NLGN4X: variants seen among roughly 807,000 people sequenced by gnomAD.
NLGN4X encodes neuroligin-4, X-linked.
In NLGN4X, 3 loss-of-function variants were observed where a neutral mutation model predicts 40.3. That is an observed-to-expected ratio of 0.07 (90% CI 0.03 to 0.19). The LOEUF is 0.19. Ranked by LOEUF, NLGN4X falls within the 10% of genes least tolerant of loss-of-function variation. NLGN4X has a pLI of 1.00. For synonymous variants in NLGN4X, 270 were observed against 306.8 expected (o/e 0.88, Z 1.25); for missense variants, 382 against 708.3 (o/e 0.54, Z 5.23).
rs2034284869 is a variant in NLGN4X, at chrX:5,950,821, T to C, written c.626-41582A>G. 2.7e-5 allele frequency among the ~76,000 whole-genome samples: 3 copies of C among 111,630 alleles called. No individual in the cohort carries two copies. The South Asian group carries it at 1.1e-3, about 42-fold the overall frequency. On this transcript the variant is annotated intron_variant, in intron 3 of 5. Transcript: ENST00000381095. ...AAACTCCTTACCACAGCATGAACTA[T>C]GGAAGCGGCTGGAATATATTCCCAG...
chrX:5,902,389 C>A (rs954256759), intron 5 of NLGN4X, among the ~76,000 whole-genome samples: 17 of 110,859 alleles, frequency 1.5e-4, no homozygotes, highest in Non-Finnish European at 3.0e-4. Flanking sequence ...TGGTGGTGCA[C>A]GCCTGTAGTC....
At chrX:6,128,719 A>G (rs933126266) in intron 2 of NLGN4X, among the ~76,000 whole-genome samples, 1 of 112,382 alleles carries the variant, frequency 8.9e-6, no homozygotes, top group Non-Finnish European at 1.9e-5. Flanking sequence ...GTTGGGTACC[A>G]TGTTCGCTAC....
At chrX:5,942,306 C>T (rs984955862) in intron 3 of NLGN4X, among the ~76,000 whole-genome samples, 8 of 110,846 alleles carry the variant, frequency 7.2e-5, no homozygotes, top group Middle Eastern at 4.7e-3. Context: ...AAATTATTTG[C>T]AGTGGGGGCG....
At chrX:6,182,704 G>C (rs1921589656) in intron 1 of NLGN4X, among the ~76,000 whole-genome samples, 1 of 111,558 alleles carries the variant, frequency 9.0e-6, no homozygotes, top group Non-Finnish European at 1.9e-5. Context: ...GAGGGTCAGA[G>C]TCAGAGAGGG....
At chrX:6,121,876 C>T (rs150283471) in intron 2 of NLGN4X, among the ~76,000 whole-genome samples, 237 of 112,506 alleles carry the variant, frequency 2.1e-3, no homozygotes, top group African/African-American at 7.1e-3. Context: ...ACTGTCTGGG[C>T]GGATCAATGC....
At chrX:6,021,617 C>CT (rs58025219) in intron 3 of NLGN4X, among the ~76,000 whole-genome samples, 19,989 of 110,665 alleles carry the variant, frequency 0.18, 1,382 homozygotes, top group African/African-American at 0.2. Flanking sequence ...CTGTCCACAC[C>CT]TATCAATCTG....
At chrX:6,083,149 G>A (rs960966559) in intron 2 of NLGN4X, among the ~76,000 whole-genome samples, 2 of 99,305 alleles carry the variant, frequency 2.0e-5, no homozygotes, top group Non-Finnish European at 2.0e-5. Context: ...TAGTAGAGAC[G>A]GGGTTTCACC....
intron 3 of NLGN4X, among the ~76,000 whole-genome samples, chrX:5,974,212 T>G (rs946742190): frequency 8.9e-6 from 1 of 112,181 alleles, no homozygotes; most frequent in African/African-American, 3.2e-5. Context: ...TTATATTGGA[T>G]TTTTTAAACC....
intron 2 of NLGN4X, among the ~76,000 whole-genome samples, chrX:6,116,231 T>C (rs765302221): frequency 1.1e-4 from 9 of 85,347 alleles, no homozygotes; most frequent in South Asian, 1.4e-3. Context: ...AGGCAGAGTT[T>C]GCAGTGAGCC....
intron 3 of NLGN4X, among the ~76,000 whole-genome samples, chrX:5,935,776 T>C (rs2033711522): frequency 8.9e-6 from 1 of 111,870 alleles, no homozygotes; most frequent in African/African-American, 3.2e-5. Context: ...GCTCCAAGCA[T>C]CTTCATGGTT....
intron 2 of NLGN4X, among the ~76,000 whole-genome samples, chrX:6,122,530 G>A (rs192987830): frequency 3.3e-4 from 36 of 110,580 alleles, no homozygotes; most frequent in African/African-American, 9.9e-4. Context: ...CACCGCGCCA[G>A]GCAGAGAGGT....
intron 3 of NLGN4X, among the ~76,000 whole-genome samples, chrX:6,001,534 A>C (rs949946677): frequency 1.8e-5 from 2 of 112,366 alleles, no homozygotes; most frequent in Non-Finnish European, 3.7e-5. Flanking sequence ...TGCAGAATGA[A>C]GTGTGCTCAT....
chrX:6,109,589 G>A (rs1418203327), intron 2 of NLGN4X, among the ~76,000 whole-genome samples: 8 of 111,149 alleles, frequency 7.2e-5, no homozygotes, highest in Admixed American at 3.8e-4. Context: ...GAAAACTTTC[G>A]CAATCTCTCA....
intron 3 of NLGN4X, among the ~76,000 whole-genome samples, chrX:5,997,619 T>C (rs761424853): frequency 4.4e-3 from 123 of 27,989 alleles, no homozygotes; most frequent in Non-Finnish European, 4.7e-3. Context: ...TATACACATA[T>C]ATATATATAT....
At chrX:6,076,927 A>G (rs967774768) in intron 2 of NLGN4X, among the ~76,000 whole-genome samples, 10 of 112,215 alleles carry the variant, frequency 8.9e-5, no homozygotes, top group African/African-American at 3.2e-4. Flanking sequence ...GCTGCCAGCT[A>G]AAGTTGAAGG....
Position 5,891,003 on chromosome X carries a change from C to A in NLGN4X, c.*1814G>T. 1 of 304,850 alleles carries A rather than the reference C, an allele frequency of 3.3e-6. No homozygotes were observed. Among genetic ancestry groups the A allele is most frequent in the Non-Finnish European group, 6.2e-6 (1 of 161,420 alleles). The allele number at this position is 304,850 out of a possible 1,213,427, so 25.1% of individuals were successfully genotyped here. On this transcript the variant is annotated 3_prime_UTR_variant, in exon 6 of 6. Transcript: ENST00000381095. ...ATTTAAGACTGGATTTCTAGAATAA[C>A]CCACAATGGAGCCGAGGAACATGAT...
chrX:6,080,848 A>T (rs918993286), intron 2 of NLGN4X, among the ~76,000 whole-genome samples: 17 of 111,404 alleles, frequency 1.5e-4, no homozygotes, highest in African/African-American at 5.6e-4. Context: ...TTGTTTATTT[A>T]TTTTTTTAAT....
chrX:6,161,410 T>A (rs189967743), intron 1 of NLGN4X, among the ~76,000 whole-genome samples: 190 of 38,127 alleles, frequency 5.0e-3, no homozygotes, highest in Middle Eastern at 0.026. Flanking sequence ...TTATTCTATA[T>A]ATAATATAGG....
At chrX:6,039,166 TATA>T in intron 2 of NLGN4X, among the ~76,000 whole-genome samples, 1 of 111,150 alleles carries the variant, frequency 9.0e-6, no homozygotes, top group African/African-American at 3.3e-5. Context: ...AAAGAAAAAA[TATA>T]ATGATGTGCT....
Sources: allele counts gnomAD v4.1 joint callset (sites outside exome capture counted in the v4.1 genomes callset), GRCh38; gene constraint gnomAD v4.1.1; transcripts MANE v1.5; gene names NCBI Gene and HGNC (gene_info 2026-07-23, HGNC 2026-07-21).